The following L3MBTL4 variants were observed in gnomAD, a reference collection of about 807,000 sequenced individuals.
L3MBTL4 encodes the protein lethal(3)malignant brain tumor-like protein 4.
L3MBTL4 carries 70 observed loss-of-function variants against 84.5 expected under a neutral mutation model. The observed-to-expected ratio is 0.83, with a 90% CI of 0.68 to 1.01. The LOEUF (loss-of-function observed/expected upper bound fraction) is 1.01. L3MBTL4 is among the 50% of genes least tolerant of loss of function. The pLI is 0.00. For missense variants in L3MBTL4, 715 were observed against 754.8 expected (o/e 0.95, Z 0.62); for synonymous variants, 274 against 259.8 (o/e 1.05, Z -0.52).
chr18:6,198,189 C>T (rs2045491643), intron 12 of L3MBTL4, among the ~76,000 whole-genome samples: 1 of 152,166 alleles, frequency 6.6e-6, no homozygotes, highest in Non-Finnish European at 1.5e-5. Flanking sequence ...ACAACTTGAA[C>T]ACAGAATAAT....
chr18:5,982,015 G>GA (rs111610090), intron 16 of L3MBTL4, among the ~76,000 whole-genome samples: 81,369 of 146,732 alleles, frequency 0.55, 25,613 homozygotes, highest in East Asian at 0.92. Flanking sequence ...TGTGTTTTGG[G>GA]AAAAAAAAGG....
chr18:6,283,769 A>G (rs2049428956), intron 4 of L3MBTL4, among the ~76,000 whole-genome samples: 1 of 152,236 alleles, frequency 6.6e-6, no homozygotes, highest in Non-Finnish European at 1.5e-5. Flanking sequence ...TGAGGCTTGG[A>G]AAAGCTAAGT....
At chr18:6,398,875 T>A (rs1021127655) in intron 1 of L3MBTL4, among the ~76,000 whole-genome samples, 22 of 152,132 alleles carry the variant, frequency 1.4e-4, no homozygotes, top group Admixed American at 9.2e-4. Flanking sequence ...TAAGGCCACT[T>A]TACCTACTCA....
intron 16 of L3MBTL4, among the ~76,000 whole-genome samples, chr18:6,055,223 C>T (rs1229686040): frequency 2.0e-5 from 3 of 152,138 alleles, no homozygotes; most frequent in Non-Finnish European, 4.4e-5. Context: ...ATATTTTAAC[C>T]TTTGGCACAA....
chr18:6,316,030 C>T (rs79912036), intron 1 of L3MBTL4, among the ~76,000 whole-genome samples: 6,351 of 145,054 alleles, frequency 0.044, 276 homozygotes, highest in African/African-American at 0.082. Context: ...ACAGTTACGT[C>T]ACTCTCACGG....
intron 13 of L3MBTL4, among the ~76,000 whole-genome samples, chr18:6,161,542 T>C (rs1055341996): frequency 6.6e-6 from 1 of 152,204 alleles, no homozygotes; most frequent in Non-Finnish European, 1.5e-5. Context: ...TAAATGGCAC[T>C]AGAAAAATAG....
chr18:6,269,441 A>G (rs1326345977), intron 4 of L3MBTL4, among the ~76,000 whole-genome samples: 2 of 152,200 alleles, frequency 1.3e-5, no homozygotes, highest in African/African-American at 4.8e-5. Flanking sequence ...TGGGTGACGG[A>G]GCGAGACTCT....
rs58507219 is a variant in L3MBTL4, at chr18:6,295,309, ACTCTCTCTCT to A, written c.127+6584_127+6593del. On this transcript the variant is annotated intron_variant, in intron 4 of 18. Coordinates refer to ENST00000317931, the MANE Select transcript of L3MBTL4 (RefSeq NM_001330559.2). The stretch of plus-strand genomic sequence containing the variant: ...AACAGCAACAACAACAACAACAACA[ACTCTCTCTCT>A]CTCTCTCTCTCTCTCTCTCTCTCTC... Among the ~76,000 whole-genome samples, 220 of 62,730 alleles carry A rather than the reference ACTCTCTCTCT, an allele frequency of 3.5e-3. 2 individuals are homozygous for A. The highest frequency in any genetic ancestry group is 0.023 in the Middle Eastern group (2 of 86). 41.2% of individuals were successfully genotyped at this position (62,730 alleles called of 152,430 possible). A position where few individuals can be genotyped will look rare whatever the true frequency, so the allele number is the denominator to read the frequency against.
chr18:5,989,450 T>A, intron 16 of L3MBTL4, among the ~76,000 whole-genome samples: 1 of 152,244 alleles, frequency 6.6e-6, no homozygotes, highest in South Asian at 2.1e-4. Context: ...ATAATTTAGT[T>A]GTGCTCTCCA....
intron 16 of L3MBTL4, among the ~76,000 whole-genome samples, chr18:5,981,537 T>C (rs2145001605): frequency 6.6e-6 from 1 of 152,240 alleles, no homozygotes; most frequent in Non-Finnish European, 1.5e-5. Flanking sequence ...TTCCAAGGGC[T>C]AGGTGCAGTG....
chr18:6,015,852 C>G (rs969004182), intron 16 of L3MBTL4, among the ~76,000 whole-genome samples: 2 of 152,176 alleles, frequency 1.3e-5, no homozygotes, highest in East Asian at 3.9e-4. Context: ...CCCAGCTACT[C>G]AGGAGGCTGA....
chr18:6,287,920 G>C (rs764270704), intron 4 of L3MBTL4, among the ~76,000 whole-genome samples: 2 of 152,142 alleles, frequency 1.3e-5, no homozygotes, highest in Non-Finnish European at 2.9e-5. Context: ...CTACATGCCT[G>C]AGGTCCCAGC....
chr18:6,225,683 C>A (rs1293434551), intron 10 of L3MBTL4, among the ~76,000 whole-genome samples: 1 of 151,000 alleles, frequency 6.6e-6, no homozygotes. Flanking sequence ...GTGCCTGAGC[C>A]TGGGAGGCAG....
intron 12 of L3MBTL4, among the ~76,000 whole-genome samples, chr18:6,179,038 G>A (rs777724513): frequency 5.3e-5 from 8 of 152,166 alleles, no homozygotes; most frequent in African/African-American, 7.2e-5. Flanking sequence ...GTTCTTTTGG[G>A]CAATTGGAAG....
intron 13 of L3MBTL4, among the ~76,000 whole-genome samples, chr18:6,149,587 T>G (rs978386838): frequency 6.6e-6 from 1 of 152,100 alleles, no homozygotes; most frequent in Non-Finnish European, 1.5e-5. Flanking sequence ...CTGGGTCAAA[T>G]GGTATTTCTA....
intron 13 of L3MBTL4, among the ~76,000 whole-genome samples, chr18:6,138,825 T>C (rs151313561): frequency 8.9e-4 from 135 of 152,332 alleles, no homozygotes; most frequent in African/African-American, 3.1e-3. Flanking sequence ...GTACTGGGAT[T>C]ACAGGTGTGA....
At position 6,209,995 on chromosome 18, in the gene L3MBTL4, G is replaced by A. The variant is rs534715807; in HGVS notation, c.981+3154C>T. 3.3e-4 allele frequency among the ~76,000 whole-genome samples: 50 copies of A among 152,282 alleles called. No homozygotes were observed. The Middle Eastern group carries it at 0.024, about 73-fold the overall frequency. ...TGACTACCAGGGGCTTGGTTGGGTA[G>A]AAGGAGGGTAGAATGAGGTGGCTGC... On this transcript the variant is annotated intron_variant, in intron 12 of 18. Coordinates refer to ENST00000317931, the MANE Select transcript of L3MBTL4 (RefSeq NM_001330559.2).
chr18:5,978,065 G>A (rs1207310678), intron 16 of L3MBTL4, among the ~76,000 whole-genome samples: 2 of 152,242 alleles, frequency 1.3e-5, no homozygotes, highest in African/African-American at 4.8e-5. Flanking sequence ...CACATAATGG[G>A]ACTGTGGCGC....
intron 1 of L3MBTL4, among the ~76,000 whole-genome samples, chr18:6,388,078 C>G (rs904542975): frequency 1.1e-4 from 16 of 151,892 alleles, no homozygotes; most frequent in Non-Finnish European, 1.8e-4. Flanking sequence ...CCTTTTATAC[C>G]CATTAGATTG....
Sources: allele counts gnomAD v4.1 joint callset (sites outside exome capture counted in the v4.1 genomes callset), GRCh38; gene constraint gnomAD v4.1.1; transcripts MANE v1.5; gene names NCBI Gene and HGNC (gene_info 2026-07-23, HGNC 2026-07-21).